Variants in PLA2G5 observed in about 807,000 individuals in gnomAD.
PLA2G5 encodes the protein Ca2+-dependent phospholipase A2.
PLA2G5 carries 12 observed loss-of-function variants against 15.9 expected under a neutral mutation model. The observed-to-expected ratio is 0.76, with a 90% CI of 0.48 to 1.23. The LOEUF (loss-of-function observed/expected upper bound fraction) is 1.23, where lower values mean the gene tolerates loss of function less well. PLA2G5 is among the 50% of genes most tolerant of loss of function. The probability of loss-of-function intolerance (pLI) is 0.00; values close to 1 mark genes in which losing one functional copy is unlikely to be tolerated. For synonymous variants in PLA2G5, 71 were observed against 71.4 expected (o/e 0.99, Z 0.03); for missense variants, 169 against 177.1 (o/e 0.95, Z 0.26).
intron 1 of PLA2G5, among the ~76,000 whole-genome samples, chr1:20,043,248 T>C (rs1248651724): frequency 1.8e-4 from 28 of 152,112 alleles, no homozygotes; most frequent in Admixed American, 1.6e-3. Flanking sequence ...ACAGGGTGGA[T>C]AGGCAAAACA....
rs752798095 is a variant in PLA2G5 at position 20,086,200 on chromosome 1, G to A, written c.158G>A (p.Arg53Gln). Residue 53 changes from arginine (R) to glutamine (Q), a missense_variant, in exon 3 of 5, where the codon CGA becomes CAA. Transcript: ENST00000375108. ...FYGCYCGWGG[R>Q]GTPKDGTDWC... is the part of the protein sequence containing the mutation. Reference sequence around the variant, plus strand: ...GGCTGTTACTGCGGCTGGGGCGGCCGAGGAACCCCCAAGGATGGCACCGAT... The same window carrying A: ...GGCTGTTACTGCGGCTGGGGCGGCCAAGGAACCCCCAAGGATGGCACCGAT... 1.1e-5 allele frequency: 17 copies of A among 1,613,988 alleles called. No homozygotes were observed. The African/African-American group carries it at 1.3e-4, about 13-fold the overall frequency.
Position 20,070,390 on chromosome 1 carries a change from G to C in PLA2G5, c.-86G>C. 3.0e-6 allele frequency: 3 copies of C among 985,436 alleles called. No homozygotes were observed. The highest frequency in any genetic ancestry group is 3.6e-6 in the Non-Finnish European group (3 of 829,928). 61.0% of individuals were successfully genotyped at this position (985,436 alleles called of 1,614,324 possible). A position where few individuals can be genotyped will look rare whatever the true frequency, so the allele number is the denominator to read the frequency against. ...GGAGACGGGGAGCCCGCGAGACCCG[G>C]GTCTCCAGGGTCTGCCCAAGGAAGT... On this transcript the variant is annotated 5_prime_UTR_variant, in exon 1 of 5. Coordinates refer to ENST00000375108, the MANE Select transcript of PLA2G5 (RefSeq NM_000929.3).
At chr1:20,031,017 T>C (rs1219871560) in intron 1 of PLA2G5, among the ~76,000 whole-genome samples, 1 of 152,124 alleles carries the variant, frequency 6.6e-6, no homozygotes, top group Non-Finnish European at 1.5e-5. Context: ...TCCCTGACAG[T>C]TGTTAGTAAG....
intron 1 of PLA2G5, among the ~76,000 whole-genome samples, chr1:20,029,845 T>A (rs2012818560): frequency 6.6e-6 from 1 of 152,138 alleles, no homozygotes; most frequent in African/African-American, 2.4e-5. Context: ...GAAACACCAG[T>A]GTGTATGTTC....
upstream of PLA2G5, among the ~76,000 whole-genome samples, chr1:20,069,531 G>A (rs2015228068): frequency 6.6e-6 from 1 of 152,196 alleles, no homozygotes; most frequent in East Asian, 1.9e-4. Context: ...AAATTAGCCA[G>A]GCATGGGGTG....
At chr1:20,074,948 C>T (rs2015589514) in intron 1 of PLA2G5, among the ~76,000 whole-genome samples, 1 of 152,242 alleles carries the variant, frequency 6.6e-6, no homozygotes, top group African/African-American at 2.4e-5. Flanking sequence ...ATCCAGACAC[C>T]TCCTAAGCCT....
chr1:20,068,760 T>A (rs1382780518), upstream of PLA2G5: 3 of 351,910 alleles, frequency 8.5e-6, no homozygotes, highest in Non-Finnish European at 1.1e-5. Flanking sequence ...CAAAAGTTTT[T>A]ATATTATAAA....
intron 1 of PLA2G5, among the ~76,000 whole-genome samples, chr1:20,053,100 C>T (rs2014256450): frequency 6.6e-6 from 1 of 152,168 alleles, no homozygotes; most frequent in Non-Finnish European, 1.5e-5. Context: ...GTCATCAGGG[C>T]CTCCTGAGGC....
chr1:20,040,460 C>A (rs1317947835), intron 1 of PLA2G5, among the ~76,000 whole-genome samples: 4 of 152,068 alleles, frequency 2.6e-5, no homozygotes, highest in Non-Finnish European at 4.4e-5. Flanking sequence ...CACTTGTTTT[C>A]TGAGATGTCA....
At chr1:20,052,189 A>T (rs2100412008) in intron 1 of PLA2G5, among the ~76,000 whole-genome samples, 1 of 151,982 alleles carries the variant, frequency 6.6e-6, no homozygotes, top group South Asian at 2.1e-4. Flanking sequence ...AAAAAAAAAA[A>T]AAAAAATGGG....
At chr1:20,076,443 A>G (rs938015934) in intron 1 of PLA2G5, among the ~76,000 whole-genome samples, 6 of 152,168 alleles carry the variant, frequency 3.9e-5, no homozygotes, top group Admixed American at 1.3e-4. Flanking sequence ...TCTTGTGAAA[A>G]TCCCAATCAT....
At chr1:20,084,601 T>C (rs1003037208) in intron 1 of PLA2G5, among the ~76,000 whole-genome samples, 6 of 152,174 alleles carry the variant, frequency 3.9e-5, no homozygotes, top group Non-Finnish European at 2.9e-5. Flanking sequence ...GTAGGGACAG[T>C]GTCCCTGCAA....
chr1:20,042,676 A>C (rs913468445), intron 1 of PLA2G5, among the ~76,000 whole-genome samples: 19 of 152,154 alleles, frequency 1.2e-4, no homozygotes, highest in Admixed American at 1.2e-3. Context: ...TCAGGTTGGC[A>C]AAACCAGGTA....
At chr1:20,035,795 TG>T (rs1277176861) in intron 1 of PLA2G5, among the ~76,000 whole-genome samples, 4 of 152,208 alleles carry the variant, frequency 2.6e-5, no homozygotes, top group Admixed American at 6.5e-5. Flanking sequence ...GTTTTTATTT[TG>T]TTTTTTTATT....
rs2016477448 is a variant in PLA2G5 at position 20,089,819 on chromosome 1, G to C, written c.216G>C (p.Gly72=). ...WCCWAHDHCY[G]RLEEKGCNIR... ...GTTGGGCGCATGACCACTGCTATGG[G>C]CGGCTGGAGGAGAAGGGCTGCAACA... The change falls in exon 4 of 5, where the codon GGG becomes GGC. Residue 72 remains glycine (G), a synonymous_variant. Coordinates refer to ENST00000375108, the MANE Select transcript of PLA2G5 (RefSeq NM_000929.3). 1 of 1,614,058 alleles carries C rather than the reference G, an allele frequency of 6.2e-7. No homozygotes were observed.
chr1:20,083,910 C>T (rs575069522), intron 1 of PLA2G5, among the ~76,000 whole-genome samples: 1 of 151,810 alleles, frequency 6.6e-6, no homozygotes, highest in Admixed American at 6.5e-5. Flanking sequence ...CCAGGGTTGA[C>T]TTATTCTTTA....
At chr1:20,074,433 C>A (rs948313286) in intron 1 of PLA2G5, among the ~76,000 whole-genome samples, 1 of 152,164 alleles carries the variant, frequency 6.6e-6, no homozygotes, top group Non-Finnish European at 1.5e-5. Flanking sequence ...GTTTTTGAAC[C>A]TTGGCAAAAT....
intron 1 of PLA2G5, among the ~76,000 whole-genome samples, chr1:20,029,666 A>G (rs533752792): frequency 3.4e-4 from 52 of 152,258 alleles, no homozygotes; most frequent in African/African-American, 9.4e-4. Context: ...CCCCTTCCAT[A>G]TCATTTAAAG....
At chr1:20,063,907 C>T (rs1386513988) in intron 2 of PLA2G5, among the ~76,000 whole-genome samples, 3 of 152,220 alleles carry the variant, frequency 2.0e-5, no homozygotes, top group African/African-American at 7.2e-5. Flanking sequence ...TAAGACTCTC[C>T]TTCAAGTAAG....
Sources: allele counts gnomAD v4.1 joint callset (sites outside exome capture counted in the v4.1 genomes callset), GRCh38; gene constraint gnomAD v4.1.1; transcripts MANE v1.5; gene names NCBI Gene and HGNC (gene_info 2026-07-23, HGNC 2026-07-21).